The following TENM3 variants were observed in gnomAD, a reference collection of about 807,000 sequenced individuals.
TENM3 encodes the protein teneurin transmembrane protein 3.
A neutral mutation model predicts 255.1 loss-of-function variants in TENM3; 63 were observed. The ratio of observed to expected loss-of-function variants is 0.25; its 90% CI spans 0.20 to 0.30. The LOEUF (loss-of-function observed/expected upper bound fraction) is 0.30, where lower values mean the gene tolerates loss of function less well. TENM3 is among the 10% of genes least tolerant of loss of function. The pLI is 1.00. For missense variants in TENM3, 2,929 were observed against 3,461.1 expected (o/e 0.85, Z 3.86); for synonymous variants, 1,306 against 1,322.3 (o/e 0.99, Z 0.27).
intron 1 of TENM3, among the ~76,000 whole-genome samples, chr4:182,264,554 G>A (rs2150182490): frequency 6.6e-6 from 1 of 152,296 alleles, no homozygotes; most frequent in African/African-American, 2.4e-5. Flanking sequence ...GACAGAGACT[G>A]TCCTGTGCTG....
At chr4:181,604,849 G>C in the TENM3 span, among the ~76,000 whole-genome samples, 1 of 152,176 alleles carries the variant, frequency 6.6e-6, no homozygotes, top group African/African-American at 2.4e-5. Flanking sequence ...TGGCATCTCA[G>C]CTGTCTGAGA....
chr4:182,316,483 T>A (rs1762756089), intron 1 of TENM3, among the ~76,000 whole-genome samples: 1 of 152,080 alleles, frequency 6.6e-6, no homozygotes, highest in Admixed American at 6.6e-5. Context: ...CCCAGGGACA[T>A]TTGGTAATAT....
chr4:181,630,837 G>A, the TENM3 span, among the ~76,000 whole-genome samples: 296 of 152,298 alleles, frequency 1.9e-3, 2 homozygotes, highest in African/African-American at 6.7e-3. Context: ...GGAGAGTTCT[G>A]TAGACGTCTA....
the TENM3 span, among the ~76,000 whole-genome samples, chr4:182,013,664 G>C: frequency 6.6e-6 from 1 of 152,060 alleles, no homozygotes; most frequent in African/African-American, 2.4e-5. Flanking sequence ...GCTCAGAGAG[G>C]GTCTGTGGGA....
At chr4:181,489,744 A>T in the TENM3 span, among the ~76,000 whole-genome samples, 3 of 152,222 alleles carry the variant, frequency 2.0e-5, no homozygotes, top group Admixed American at 1.3e-4. Flanking sequence ...TCACTTTTTT[A>T]AAATCCAGGT....
Position 182,753,010 on chromosome 4 carries a change from G to C in TENM3, c.3863-440G>C, listed in dbSNP as rs572166015. Among the ~76,000 whole-genome samples, 8 of 146,486 alleles carry C rather than the reference G, an allele frequency of 5.5e-5. No homozygotes were observed. In the Admixed American group the frequency reaches 5.6e-4, roughly 10 times the overall value. ...CGCCCAGGCTGGAGAGCAATGGTGC[G>C]ATCTCGGCTCACTGCAACCTCCGCC... On this transcript the variant is annotated intron_variant, in intron 20 of 27. Transcript: ENST00000511685.
chr4:181,635,685 C>T, the TENM3 span, among the ~76,000 whole-genome samples: 4 of 152,208 alleles, frequency 2.6e-5, no homozygotes, highest in East Asian at 7.7e-4. Flanking sequence ...AGGCCTACCA[C>T]TTCCGCTTTC....
the TENM3 span, among the ~76,000 whole-genome samples, chr4:181,667,639 G>A: frequency 1.3e-5 from 2 of 152,048 alleles, no homozygotes; most frequent in South Asian, 4.2e-4. Flanking sequence ...TTCTACCATG[G>A]CATGATGCAG....
the TENM3 span, among the ~76,000 whole-genome samples, chr4:181,757,768 G>C: frequency 6.6e-6 from 1 of 152,116 alleles, no homozygotes; most frequent in African/African-American, 2.4e-5. Flanking sequence ...CGATGATTTA[G>C]AAGTTTCATC....
rs1764163031 is a variant in TENM3 at position 182,771,008 on chromosome 4, C to A, written c.4893-2464C>A. On this transcript the variant is annotated intron_variant, in intron 22 of 27. Coordinates refer to ENST00000511685, the MANE Select transcript of TENM3 (RefSeq NM_001080477.4). ...CCAGCTTAACCCTCTGTCATTCTAA[C>A]TGTACTACCTACAAAGGTTACTTGT... Among the ~76,000 whole-genome samples, 3 of 152,362 alleles carry A rather than the reference C, an allele frequency of 2.0e-5. No homozygotes were observed. In the South Asian group the frequency reaches 6.2e-4, roughly 32 times the overall value.
At chr4:182,009,292 C>A in the TENM3 span, among the ~76,000 whole-genome samples, 1 of 152,064 alleles carries the variant, frequency 6.6e-6, no homozygotes, top group East Asian at 1.9e-4. Flanking sequence ...TGGAGGGAAA[C>A]CCACTTATCA....
At chr4:181,843,716 C>CTT in the TENM3 span, among the ~76,000 whole-genome samples, 5,494 of 104,636 alleles carry the variant, frequency 0.053, 333 homozygotes, top group East Asian at 0.18. Flanking sequence ...TAAGGGCCTT[C>CTT]TTTTTTTTTT....
At chr4:182,198,690 A>G (rs145731565) in intron 1 of TENM3, among the ~76,000 whole-genome samples, 1 of 152,330 alleles carries the variant, frequency 6.6e-6, no homozygotes, top group African/African-American at 2.4e-5. Flanking sequence ...GGTGTCAGGT[A>G]GTGCGGAGTG....
intron 13 of TENM3, among the ~76,000 whole-genome samples, chr4:182,722,315 ATC>A: frequency 6.6e-6 from 1 of 151,782 alleles, no homozygotes; most frequent in Non-Finnish European, 1.5e-5. Context: ...AAAGCAGGGC[ATC>A]TCTCATGTGC....
the TENM3 span, among the ~76,000 whole-genome samples, chr4:181,770,674 CAAAAAA>C: frequency 2.6e-5 from 2 of 76,608 alleles, no homozygotes; most frequent in African/African-American, 5.3e-5. Context: ...GACTCTGTCT[CAAAAAA>C]AAAAAAAAAA....
chr4:182,299,183 A>G (rs957836924), intron 1 of TENM3, among the ~76,000 whole-genome samples: 1 of 151,848 alleles, frequency 6.6e-6, no homozygotes, highest in Non-Finnish European at 1.5e-5. Flanking sequence ...CAATTGCACT[A>G]GTTTCTCCTA....
At chr4:182,014,140 A>G in the TENM3 span, among the ~76,000 whole-genome samples, 19 of 146,904 alleles carry the variant, frequency 1.3e-4, no homozygotes, top group Middle Eastern at 3.3e-3. Context: ...ATATACACAC[A>G]CATATATACT....
At chr4:182,616,400 A>G (rs961035089) in intron 4 of TENM3, among the ~76,000 whole-genome samples, 8 of 150,798 alleles carry the variant, frequency 5.3e-5, no homozygotes, top group African/African-American at 1.7e-4. Context: ...GAGGGATAGC[A>G]TTGGGAGATA....
chr4:182,707,296 T>C (rs1450736986), intron 12 of TENM3, among the ~76,000 whole-genome samples: 3 of 152,084 alleles, frequency 2.0e-5, no homozygotes, highest in African/African-American at 7.2e-5. Context: ...GATAAGCAGA[T>C]GAGGCAACAG....
Sources: allele counts gnomAD v4.1 joint callset (sites outside exome capture counted in the v4.1 genomes callset), GRCh38; gene constraint gnomAD v4.1.1; transcripts MANE v1.5; gene names NCBI Gene and HGNC (gene_info 2026-07-23, HGNC 2026-07-21).